The following MYO1B variants were observed in gnomAD, a reference collection of about 807,000 sequenced individuals.
MYO1B encodes unconventional myosin-Ib.
Under a neutral mutation model 159.7 loss-of-function variants are expected in MYO1B, and 72 were observed. That is an observed-to-expected ratio of 0.45 (90% confidence interval 0.37 to 0.55). MYO1B has a LOEUF of 0.55. MYO1B is among the 20% of genes least tolerant of loss of function. The probability of loss-of-function intolerance (pLI) is 0.00; values close to 1 mark genes in which losing one functional copy is unlikely to be tolerated. For missense variants in MYO1B, 1,062 were observed against 1,364.8 expected, an observed-to-expected ratio of 0.78 and a Z score of 3.50; for synonymous variants, 468 against 473.8, an observed-to-expected ratio of 0.99 and a Z score of 0.16.
At chr2:191,373,768 A>G (rs1241036317) in intron 13 of MYO1B, among the ~76,000 whole-genome samples, 1 of 152,224 alleles carries the variant, frequency 6.6e-6, no homozygotes, top group Non-Finnish European at 1.5e-5. Flanking sequence ...TTATATGTCT[A>G]TAGCAAATCT....
rs568142614 is a variant in MYO1B at position 191,425,015 on chromosome 2, G to C, written c.*1055G>C. ...GGATCAAAATTTGTGTAACTTGCAG[G>C]GCTTTCTTTCTTTTTCTTCAAATTT... On this transcript the variant is annotated 3_prime_UTR_variant, in exon 31 of 31. Transcript: ENST00000392318. 1.3e-5 allele frequency: 2 copies of C among 152,440 alleles called. No homozygotes were observed. Among genetic ancestry groups the C allele is most frequent in the African/African-American group, 4.8e-5 (2 of 41,488 alleles). The allele number at this position is 152,440 out of a possible 1,614,324, so 9.4% of individuals were successfully genotyped here. A position where few individuals can be genotyped will look rare whatever the true frequency, so the allele number is the denominator to read the frequency against.
rs1490724585 is a variant in MYO1B, at chr2:191,350,940, G to T, written c.562+715G>T. Among the ~76,000 whole-genome samples the T allele has an allele frequency of 3.3e-5, 5 of 152,112 alleles. No individual in the cohort carries two copies. In the East Asian group the frequency reaches 9.6e-4, roughly 29 times the overall value. ...TCTTGTAAAAATGACAGTGCTGTCA[G>T]TGCTTTGGAGTTGTGGCACCCACAG... On this transcript the variant is annotated intron_variant, in intron 7 of 30. Coordinates refer to ENST00000392318, the MANE Select transcript of MYO1B (RefSeq NM_001130158.3).
intron 1 of MYO1B, among the ~76,000 whole-genome samples, chr2:191,258,099 G>A (rs1686568084): frequency 6.6e-6 from 1 of 151,976 alleles, no homozygotes; most frequent in African/African-American, 2.4e-5. Context: ...TGTGAAGTGT[G>A]TCATCGGGCA....
At position 191,407,112 on chromosome 2, in the gene MYO1B, T is replaced by A. The variant is rs117557776; in HGVS notation, c.2557-1003T>A. 2.6e-3 allele frequency among the ~76,000 whole-genome samples: 391 copies of A among 152,320 alleles called. 3 individuals carry two copies. Among genetic ancestry groups the A allele is most frequent in the East Asian group, 0.02 (103 of 5,186 alleles). On this transcript the variant is annotated intron_variant, in intron 24 of 30. Coordinates refer to ENST00000392318, the MANE Select transcript of MYO1B (RefSeq NM_001130158.3). ...AGGACTAGGCCTCAGTGTTGCTAGA[T>A]CTTAGACAACTTTAAGAGAAATCTG...
intron 18 of MYO1B, 74 bp from the exon 19 acceptor site, chr2:191,392,034 C>T: frequency 1.9e-6 from 2 of 1,077,922 alleles, no homozygotes; most frequent in Non-Finnish European, 2.7e-6. Flanking sequence ...CCACTGAGAA[C>T]CTGATACCAT....
At chr2:191,348,236 C>T (rs554321295) in intron 6 of MYO1B, among the ~76,000 whole-genome samples, 2 of 152,218 alleles carry the variant, frequency 1.3e-5, no homozygotes, top group South Asian at 4.1e-4. Context: ...AGTGTTTATT[C>T]TACTCTCCTC....
intron 24 of MYO1B, among the ~76,000 whole-genome samples, chr2:191,405,630 G>A (rs1051269773): frequency 2.6e-5 from 4 of 152,160 alleles, no homozygotes; most frequent in African/African-American, 7.2e-5. Flanking sequence ...TAATCTCCTC[G>A]TATATCTCCA....
chr2:191,335,049 G>A (rs1256801122), intron 4 of MYO1B, among the ~76,000 whole-genome samples: 2 of 152,148 alleles, frequency 1.3e-5, no homozygotes, highest in Non-Finnish European at 2.9e-5. Flanking sequence ...CAAAGCATTT[G>A]TGTTGTTTTT....
chr2:191,386,851 C>A (rs1695428467), intron 16 of MYO1B, among the ~76,000 whole-genome samples: 1 of 152,182 alleles, frequency 6.6e-6, no homozygotes, highest in African/African-American at 2.4e-5. Flanking sequence ...AGTATTGTTT[C>A]TATTTTGCCC....
chr2:191,300,613 A>C (rs553235792), intron 3 of MYO1B, among the ~76,000 whole-genome samples: 1 of 132,168 alleles, frequency 7.6e-6, no homozygotes, highest in Non-Finnish European at 1.6e-5. Context: ...AAGTGTTGGG[A>C]TTACAGGTGT....
chr2:191,385,737 G>T (rs1475860938), intron 15 of MYO1B, 147 bp from the exon 16 acceptor site: 1 of 824,904 alleles, frequency 1.2e-6, no homozygotes, highest in East Asian at 2.6e-5. Flanking sequence ...TGTGGCTTTT[G>T]TTATTGTTTT....
chr2:191,354,022 C>G (rs1693096886), intron 7 of MYO1B, among the ~76,000 whole-genome samples: 1 of 152,016 alleles, frequency 6.6e-6, no homozygotes, highest in African/African-American at 2.4e-5. Flanking sequence ...CTTTGGGAGG[C>G]CGAGGCAGGC....
At chr2:191,412,541 C>T (rs1252436867) in intron 27 of MYO1B, among the ~76,000 whole-genome samples, 1 of 152,226 alleles carries the variant, frequency 6.6e-6, no homozygotes, top group Non-Finnish European at 1.5e-5. Context: ...CTCCCACCAC[C>T]CTGCAAAGTG....
rs192545098 is a variant in MYO1B, at chr2:191,280,620, G to A, written c.135+3590G>A. ...CTTCTCAAACCATTGACTGTGGCCCGGAGATGGCATGACCTGAGCGACTTA... is the reference window on the plus strand; with the variant it reads ...CTTCTCAAACCATTGACTGTGGCCCAGAGATGGCATGACCTGAGCGACTTA... On this transcript the variant is annotated intron_variant, in intron 2 of 30. Transcript: ENST00000392318. Among the ~76,000 whole-genome samples, 104 of 152,318 alleles carry A rather than the reference G, an allele frequency of 6.8e-4. 3 individuals are homozygous for A. The highest frequency in any genetic ancestry group is 6.0e-3 in the South Asian group (29 of 4,822).
In MYO1B at chr2:191,284,570, G is replaced by A. The variant is rs140992637; in HGVS notation, c.135+7540G>A. Among the ~76,000 whole-genome samples the A allele has an allele frequency of 4.2e-3, 639 of 152,270 alleles. 9 individuals are homozygous for A. The highest frequency in any genetic ancestry group is 0.014 in the African/African-American group (582 of 41,560). On this transcript the variant is annotated intron_variant, in intron 2 of 30. Transcript: ENST00000392318. ...ATGATGAAAGTGGAGTGCATGGTAGGTGCCCCGACTGTCTGAAAAACTTGG... is the reference window on the plus strand; with the variant it reads ...ATGATGAAAGTGGAGTGCATGGTAGATGCCCCGACTGTCTGAAAAACTTGG...
intron 1 of MYO1B, among the ~76,000 whole-genome samples, chr2:191,272,105 T>C (rs1190556464): frequency 1.3e-5 from 2 of 152,208 alleles, no homozygotes; most frequent in African/African-American, 2.4e-5. Context: ...AATGAATTAG[T>C]GTATGTTGAA....
chr2:191,267,628 G>A (rs1169937972), intron 1 of MYO1B, among the ~76,000 whole-genome samples: 4 of 152,214 alleles, frequency 2.6e-5, no homozygotes, highest in African/African-American at 7.2e-5. Flanking sequence ...ACAAATGCAT[G>A]TCGGGGCACT....
intron 4 of MYO1B, among the ~76,000 whole-genome samples, chr2:191,330,310 A>G (rs1691387802): frequency 6.6e-6 from 1 of 152,132 alleles, no homozygotes; most frequent in Non-Finnish European, 1.5e-5. Flanking sequence ...CTTTTCTCCC[A>G]AGACATTAAA....
chr2:191,330,143 T>C (rs1364841597), intron 4 of MYO1B, 114 bp downstream of exon 4: 1 of 807,602 alleles, frequency 1.2e-6, no homozygotes, highest in African/African-American at 1.7e-5. Flanking sequence ...ACTGTGAGGG[T>C]GCTTCTGCAG....
Sources: gnomAD v4.1 joint callset for allele counts (sites outside exome capture counted in the v4.1 genomes callset) on GRCh38, gnomAD v4.1.1 for gene constraint, MANE v1.5 for transcripts, NCBI Gene and HGNC (gene_info 2026-07-23, HGNC 2026-07-21) for gene names.